Variants in STK39 observed in about 807,000 individuals in gnomAD.
STK39 encodes STE20/SPS1-related proline-alanine-rich protein kinase.
STK39 carries 20 observed loss-of-function variants against 77.8 expected under a neutral mutation model. That is an observed-to-expected ratio of 0.26 (90% confidence interval 0.18 to 0.37). The LOEUF (loss-of-function observed/expected upper bound fraction) is 0.37, where lower values mean the gene tolerates loss of function less well. Among genes scored for constraint, STK39 ranks in the 10% least tolerant of loss-of-function variants. STK39 has a pLI of 1.00. For missense variants in STK39, 479 were observed against 656.5 expected, an observed-to-expected ratio of 0.73 and a Z score of 2.95; for synonymous variants, 246 against 234.1, an observed-to-expected ratio of 1.05 and a Z score of -0.47.
chr2:168,194,042 C>T (rs1007108125), intron 1 of STK39, among the ~76,000 whole-genome samples: 3 of 152,102 alleles, frequency 2.0e-5, no homozygotes, highest in African/African-American at 4.8e-5. Context: ...GGGTCTCGCC[C>T]GCCTGCAAGC....
chr2:168,034,645 C>T (rs1048883389), intron 14 of STK39, among the ~76,000 whole-genome samples: 6 of 152,204 alleles, frequency 3.9e-5, no homozygotes, highest in African/African-American at 9.6e-5. Context: ...AGGACCAGTG[C>T]TCCAAACACA....
chr2:168,219,117 G>A lies in STK39; in HGVS notation c.208+28111C>T, dbSNP rs545671045. On this transcript the variant is annotated intron_variant, in intron 1 of 17. Coordinates refer to ENST00000355999, the MANE Select transcript of STK39 (RefSeq NM_013233.3). ...TTAAGGAAGAAAAAGTGAGATGATAGCACTCTAAAAAGTAGGCAGAGGGTC... is the reference window on the plus strand; with the variant it reads ...TTAAGGAAGAAAAAGTGAGATGATAACACTCTAAAAAGTAGGCAGAGGGTC... Among the ~76,000 whole-genome samples, 3 of 152,064 alleles carry A rather than the reference G, an allele frequency of 2.0e-5. No individual in the cohort carries two copies. In the East Asian group the frequency reaches 5.8e-4, roughly 29 times the overall value.
chr2:168,120,950 C>G (rs1174227581), intron 10 of STK39, among the ~76,000 whole-genome samples: 1 of 151,396 alleles, frequency 6.6e-6, no homozygotes, highest in Non-Finnish European at 1.5e-5. Context: ...TGCAATGATG[C>G]CTGCAGCATC....
chr2:168,107,899 G>A (rs554132795), intron 10 of STK39, among the ~76,000 whole-genome samples: 142 of 152,318 alleles, frequency 9.3e-4, no homozygotes, highest in African/African-American at 3.3e-3. Context: ...ACGGACACCT[G>A]CTTTCGCATC....
Position 168,247,265 on chromosome 2 carries a change from G to A in STK39, c.171C>T (p.Pro57=). Residue 57 remains proline (P), a synonymous_variant, in exon 1 of 18, where the codon CCC becomes CCT. Coordinates refer to ENST00000355999, the MANE Select transcript of STK39 (RefSeq NM_013233.3). ...PAPAAQAVGW[P]ICRDAYELQE... is the part of the protein sequence containing the mutation. ...GCAGCTCGTACGCGTCCCTGCAGAT[G>A]GGCCAGCCGACAGCCTGTGCCGCCG... The A allele has an allele frequency of 3.6e-6, 4 of 1,108,408 alleles. No homozygotes were observed. Among genetic ancestry groups the A allele is most frequent in the Non-Finnish European group, 4.4e-6 (4 of 910,362 alleles). The allele number at this position is 1,108,408 out of a possible 1,614,324, so 68.7% of individuals were successfully genotyped here.
intron 1 of STK39, among the ~76,000 whole-genome samples, chr2:168,209,060 T>TTC (rs1689815469): frequency 6.6e-6 from 1 of 152,150 alleles, no homozygotes; most frequent in East Asian, 1.9e-4. Context: ...CAGAATCACA[T>TTC]TCTCCACCTT....
At chr2:168,045,870 G>A (rs1382075163) in intron 14 of STK39, among the ~76,000 whole-genome samples, 2 of 152,094 alleles carry the variant, frequency 1.3e-5, no homozygotes, top group South Asian at 2.1e-4. Context: ...GAATGACAGG[G>A]AACCCTCACG....
chr2:168,193,316 C>G (rs148150892), intron 1 of STK39, among the ~76,000 whole-genome samples: 45 of 152,256 alleles, frequency 3.0e-4, no homozygotes, highest in African/African-American at 1.0e-3. Flanking sequence ...CCTCTTCACA[C>G]ACTCTCACCC....
At chr2:168,154,989 T>C (rs1055595909) in intron 5 of STK39, among the ~76,000 whole-genome samples, 12 of 146,830 alleles carry the variant, frequency 8.2e-5, no homozygotes, top group African/African-American at 3.2e-4. Flanking sequence ...CCATAGTATT[T>C]GGTAATATGT....
intron 14 of STK39, among the ~76,000 whole-genome samples, chr2:168,060,228 G>GA (rs971650370): frequency 6.0e-4 from 90 of 150,420 alleles, no homozygotes; most frequent in African/African-American, 1.7e-3. Context: ...AATATTTAGC[G>GA]AAAAAAAAAG....
At chr2:168,204,870 T>C (rs1419457707) in intron 1 of STK39, among the ~76,000 whole-genome samples, 2 of 152,174 alleles carry the variant, frequency 1.3e-5, no homozygotes, top group Non-Finnish European at 2.9e-5. Context: ...AACAAAATAC[T>C]CTCCGCAAGT....
intron 1 of STK39, among the ~76,000 whole-genome samples, chr2:168,234,470 T>G (rs546020348): frequency 6.6e-6 from 1 of 152,118 alleles, no homozygotes; most frequent in African/African-American, 2.4e-5. Flanking sequence ...CTGCTCTGAT[T>G]GTTATAAAAT....
chr2:168,038,266 C>A (rs141061370), intron 14 of STK39, among the ~76,000 whole-genome samples: 1 of 151,556 alleles, frequency 6.6e-6, no homozygotes, highest in African/African-American at 2.4e-5. Flanking sequence ...CCCAAGCCCA[C>A]GAAAAAGTGT....
chr2:168,029,938 C>T (rs1166017863), intron 14 of STK39, among the ~76,000 whole-genome samples: 1 of 152,144 alleles, frequency 6.6e-6, no homozygotes, highest in Non-Finnish European at 1.5e-5. Context: ...GACATGTACT[C>T]AGCTAAATCT....
intron 10 of STK39, among the ~76,000 whole-genome samples, chr2:168,102,929 CAAAAAAAAAAAA>C (rs35442749): frequency 2.2e-4 from 11 of 50,084 alleles, no homozygotes; most frequent in African/African-American, 4.3e-4. Context: ...GAATCCGTCT[CAAAAAAAAAAAA>C]AAAAAAAAAA....
rs77646714 is a variant in STK39, at chr2:168,119,694, C to T, written c.1089+9847G>A. The stretch of plus-strand genomic sequence containing the variant: ...TTCCACAATGGCACAGACTTAAAAC[C>T]CATTGCTGCCCTCTACTGGGAAAAC... On this transcript the variant is annotated intron_variant, in intron 10 of 17. Coordinates refer to ENST00000355999, the MANE Select transcript of STK39 (RefSeq NM_013233.3). Among the ~76,000 whole-genome samples the T allele has an allele frequency of 5.4e-4, 82 of 152,292 alleles. 1 individual carries two copies. Among genetic ancestry groups the T allele is most frequent in the Non-Finnish European group, 1.9e-4 (13 of 68,030 alleles).
intron 1 of STK39, among the ~76,000 whole-genome samples, chr2:168,206,714 T>C (rs2105686971): frequency 6.6e-6 from 1 of 152,362 alleles, no homozygotes; most frequent in South Asian, 2.1e-4. Flanking sequence ...TATGGTGTTA[T>C]GGATCTAGAA....
chr2:168,093,085 G>A (rs757730891), intron 10 of STK39, among the ~76,000 whole-genome samples: 1 of 152,212 alleles, frequency 6.6e-6, no homozygotes, highest in Non-Finnish European at 1.5e-5. Flanking sequence ...CATTCAGAAT[G>A]TTCAGCATCT....
intron 10 of STK39, among the ~76,000 whole-genome samples, chr2:168,085,975 T>C (rs578007053): frequency 4.6e-5 from 7 of 152,320 alleles, no homozygotes; most frequent in East Asian, 3.9e-4. Context: ...TAGCCCAGAC[T>C]AGCCCCCAGG....
Sources: allele counts gnomAD v4.1 joint callset (sites outside exome capture counted in the v4.1 genomes callset), GRCh38; gene constraint gnomAD v4.1.1; transcripts MANE v1.5; gene names NCBI Gene and HGNC (gene_info 2026-07-23, HGNC 2026-07-21).